USP34: variants seen among roughly 807,000 people sequenced by gnomAD.
The protein encoded by USP34 is ubiquitin specific peptidase 34.
USP34 carries 70 observed loss-of-function variants against 460.3 expected under a neutral mutation model. That is an observed-to-expected ratio of 0.15 (90% CI 0.13 to 0.19). The LOEUF (loss-of-function observed/expected upper bound fraction) is 0.19. Ranked by LOEUF, USP34 falls within the 10% of genes least tolerant of loss-of-function variation. USP34 has a pLI of 1.00. For missense variants in USP34, 3,985 were observed against 4,236.2 expected (o/e 0.94, Z 1.65); for synonymous variants, 1,647 against 1,405.3 (o/e 1.17, Z -3.85).
intron 67 of USP34, among the ~76,000 whole-genome samples, chr2:61,218,627 GTCT>G (rs768326533): frequency 7.9e-5 from 12 of 151,382 alleles, no homozygotes; most frequent in Non-Finnish European, 1.8e-4. Context: ...TAGTCATTAT[GTCT>G]TCTTAACTTC....
At chr2:61,306,356 G>C (rs1690403909) in intron 27 of USP34, among the ~76,000 whole-genome samples, 1 of 152,066 alleles carries the variant, frequency 6.6e-6, no homozygotes, top group African/African-American at 2.4e-5. Context: ...TTTTTGTCAG[G>C]TTTGTCAAAG....
intron 34 of USP34, 125 bp from the exon 35 acceptor site, chr2:61,285,082 T>C: frequency 1.6e-6 from 1 of 635,112 alleles, no homozygotes; most frequent in South Asian, 2.5e-5. Context: ...TTCCAAATTA[T>C]TTTGATATTT....
rs71405120 is a variant in USP34 at position 61,450,886 on chromosome 2, C to CAAA, written c.43+19761_43+19763dup. ...AATTCCAATAGAAACGGAGGAGATG[C>CAAA]AAAAAAAAAAAAAAAGGATTCTAAA... On this transcript the variant is annotated intron_variant, in intron 1 of 79. Coordinates refer to ENST00000398571, the MANE Select transcript of USP34 (RefSeq NM_014709.4). Among the ~76,000 whole-genome samples, 470 of 127,326 alleles carry CAAA rather than the reference C, an allele frequency of 3.7e-3. 4 individuals are homozygous for CAAA. Among genetic ancestry groups the CAAA allele is most frequent in the African/African-American group, 0.012 (402 of 34,130 alleles). The allele number at this position is 127,326 out of a possible 152,430, so 83.5% of individuals were successfully genotyped here.
rs533164064 is a variant in USP34, at chr2:61,300,837, G to C, written c.4128+114C>G. 323 of 657,656 alleles carry C rather than the reference G, an allele frequency of 4.9e-4. No individual in the cohort carries two copies. In the African/African-American group the frequency reaches 5.8e-3, roughly 12 times the overall value. 40.7% of individuals were successfully genotyped at this position (657,656 alleles called of 1,614,324 possible). A position where few individuals can be genotyped will look rare whatever the true frequency, so the allele number is the denominator to read the frequency against. ...AAAAAAATGAACAAAAAAAAAAAAG[G>C]AGAGAAAATTATTATATACTTTATA... On this transcript the variant is annotated intron_variant, in intron 29 of 79. Coordinates refer to ENST00000398571, the MANE Select transcript of USP34 (RefSeq NM_014709.4).
intron 51 of USP34, among the ~76,000 whole-genome samples, chr2:61,243,866 C>CAA (rs74868863): frequency 1.1e-4 from 13 of 113,882 alleles, no homozygotes; most frequent in Non-Finnish European, 2.3e-4. Context: ...GAGACTGTCT[C>CAA]AAAAAAAAAA....
chr2:61,382,949 C>A (rs1693018343), intron 6 of USP34, among the ~76,000 whole-genome samples: 1 of 152,140 alleles, frequency 6.6e-6, no homozygotes, highest in Non-Finnish European at 1.5e-5. Flanking sequence ...TTGTTTTCTT[C>A]TCTGCTATAT....
chr2:61,470,628 G>A (rs772468386), intron 1 of USP34, 22 bp downstream of exon 1: 10 of 1,570,514 alleles, frequency 6.4e-6, no homozygotes, highest in Admixed American at 3.4e-5. Flanking sequence ...CACCCCGACA[G>A]GCCGCTACCG....
At chr2:61,314,822 C>CA in intron 24 of USP34, 53 bp downstream of exon 24, 2 of 1,592,856 alleles carry the variant, frequency 1.3e-6, no homozygotes, top group East Asian at 2.2e-5. Context: ...TTTAGTTTCA[C>CA]AAAACACCCT....
At chr2:61,216,460 C>T (rs1397373974) in intron 67 of USP34, among the ~76,000 whole-genome samples, 2 of 151,350 alleles carry the variant, frequency 1.3e-5, no homozygotes, top group Admixed American at 6.6e-5. Flanking sequence ...ATTAGCCAGG[C>T]GTGGTGGTGA....
At chr2:61,373,927 G>A (rs1692710102) in intron 8 of USP34, among the ~76,000 whole-genome samples, 1 of 152,110 alleles carries the variant, frequency 6.6e-6, no homozygotes, top group South Asian at 2.1e-4. Flanking sequence ...GGCCAAGACG[G>A]GTGGACTGCT....
intron 2 of USP34, 28 bp downstream of exon 2, chr2:61,420,718 A>C: frequency 6.5e-7 from 1 of 1,530,098 alleles, no homozygotes; most frequent in Non-Finnish European, 8.8e-7. Flanking sequence ...CACAAAAATT[A>C]GTCTTCGAAA....
intron 28 of USP34, 55 bp from the exon 29 acceptor site, chr2:61,301,215 C>T (rs1373312763): frequency 2.0e-5 from 31 of 1,545,186 alleles, no homozygotes; most frequent in East Asian, 1.6e-4. Flanking sequence ...TTTAATAAAA[C>T]GGTAAATCTG....
At chr2:61,271,381 CCATGAAGTATAAATAT>C (rs1689208802) in intron 41 of USP34, among the ~76,000 whole-genome samples, 1 of 152,114 alleles carries the variant, frequency 6.6e-6, no homozygotes, top group African/African-American at 2.4e-5. Context: ...TTATTTATTT[CCATGAAGTATAAATAT>C]CATGAGCAGC....
chr2:61,282,423 G>A (rs1689562047), intron 37 of USP34, among the ~76,000 whole-genome samples: 1 of 152,190 alleles, frequency 6.6e-6, no homozygotes, highest in South Asian at 2.1e-4. Flanking sequence ...ATTGGCCTCA[G>A]TGTCAACATG....
chr2:61,273,933 T>C (rs1356793622), intron 41 of USP34, among the ~76,000 whole-genome samples: 1 of 152,122 alleles, frequency 6.6e-6, no homozygotes, highest in African/African-American at 2.4e-5. Flanking sequence ...AAGTTATCCA[T>C]TTCATTCCTT....
At chr2:61,403,257 G>C (rs186219521) in intron 3 of USP34, among the ~76,000 whole-genome samples, 222 of 152,184 alleles carry the variant, frequency 1.5e-3, no homozygotes, top group Middle Eastern at 6.8e-3. Flanking sequence ...CCTACATTTA[G>C]AGATTACCAT....
intron 67 of USP34, among the ~76,000 whole-genome samples, chr2:61,215,480 C>T (rs1687370438): frequency 6.6e-6 from 1 of 152,154 alleles, no homozygotes; most frequent in South Asian, 2.1e-4. Context: ...ACTTATTAAG[C>T]CTATGTTATA....
In USP34 at chr2:61,284,155, CAT is replaced by C. The variant is rs1689618424; in HGVS notation, c.4833-708_4833-707del. ...ATAAACAAAATTTGAATGAATAAAACATTGACTGAAATAAGTAAACCCTCAAG... is the reference window on the plus strand; with the variant it reads ...ATAAACAAAATTTGAATGAATAAAACTGACTGAAATAAGTAAACCCTCAAG... On this transcript the variant is annotated intron_variant, in intron 35 of 79. Transcript: ENST00000398571. 2.0e-5 allele frequency among the ~76,000 whole-genome samples: 3 copies of C among 152,070 alleles called. No individual in the cohort carries two copies. The South Asian group carries it at 6.2e-4, about 31-fold the overall frequency.
chr2:61,388,727 G>C (rs1693247416), intron 5 of USP34, among the ~76,000 whole-genome samples: 1 of 151,568 alleles, frequency 6.6e-6, no homozygotes, highest in Non-Finnish European at 1.5e-5. Flanking sequence ...CTGCACTCCA[G>C]CCTGGGCGAC....
Sources: allele counts gnomAD v4.1 joint callset (sites outside exome capture counted in the v4.1 genomes callset), GRCh38; gene constraint gnomAD v4.1.1; transcripts MANE v1.5; gene names NCBI Gene and HGNC (gene_info 2026-07-23, HGNC 2026-07-21).